Variants in ZNF215 observed in about 807,000 individuals in gnomAD.
The protein encoded by ZNF215 is zinc finger protein 215.
Under a neutral mutation model 27.2 loss-of-function variants are expected in ZNF215, and 24 were observed. The observed-to-expected ratio is 0.88, with a 90% confidence interval of 0.64 to 1.24. The LOEUF (loss-of-function observed/expected upper bound fraction) is 1.24. ZNF215 is among the 50% of genes most tolerant of loss of function. The probability of loss-of-function intolerance (pLI) is 0.00; values close to 1 mark genes in which losing one functional copy is unlikely to be tolerated. For missense variants in ZNF215, 675 were observed against 605.7 expected (o/e 1.11, Z -1.20); for synonymous variants, 210 against 204.0 (o/e 1.03, Z -0.25).
intron 3 of ZNF215, among the ~76,000 whole-genome samples, chr11:6,940,915 T>C (rs1849612327): frequency 6.6e-6 from 1 of 152,230 alleles, no homozygotes; most frequent in Non-Finnish European, 1.5e-5. Flanking sequence ...TTCTACTCTT[T>C]ATTTCACCGT....
At chr11:6,977,177 G>C (rs1000806319) in intron 5 of ZNF215, among the ~76,000 whole-genome samples, 1 of 151,992 alleles carries the variant, frequency 6.6e-6, no homozygotes, top group African/African-American at 2.4e-5. Context: ...TTCACTTTCT[G>C]TGTGGCCAAC....
rs542960263 is a variant in ZNF215, at chr11:6,953,504, C to T, written c.713-2186C>T. ...TTCATTTCATCTTCCATCACTGATA[C>T]CCTTTCTTCCAGTTGATCGCATCAG... On this transcript the variant is annotated intron_variant, in intron 6 of 6. Coordinates refer to ENST00000278319, the MANE Select transcript of ZNF215 (RefSeq NM_013250.4). Among the ~76,000 whole-genome samples the T allele has an allele frequency of 3.3e-4, 50 of 152,292 alleles. No homozygotes were observed. In the East Asian group the frequency reaches 8.1e-3, roughly 25 times the overall value.
downstream of ZNF215, among the ~76,000 whole-genome samples, chr11:6,962,692 G>A (rs1850540861): frequency 6.6e-6 from 1 of 152,070 alleles, no homozygotes; most frequent in African/African-American, 2.4e-5. Context: ...ATCAACATCT[G>A]TTGGGATTTG....
intron 3 of ZNF215, among the ~76,000 whole-genome samples, chr11:6,939,810 C>A (rs184125437): frequency 6.6e-6 from 1 of 152,210 alleles, no homozygotes; most frequent in East Asian, 1.9e-4. Context: ...AGATTTGCAC[C>A]TTTCCAAGAT....
intron 6 of ZNF215, among the ~76,000 whole-genome samples, chr11:6,948,184 C>A (rs964047789): frequency 2.0e-5 from 3 of 152,154 alleles, no homozygotes; most frequent in East Asian, 3.9e-4. Context: ...TGTCCTCTGG[C>A]TACAAAATAT....
chr11:6,943,280 G>T, intron 5 of ZNF215, 65 bp downstream of exon 5: 1 of 1,547,794 alleles, frequency 6.5e-7, no homozygotes, highest in South Asian at 1.3e-5. Context: ...AAAAGCTATA[G>T]GACTGCTGAA....
intron 5 of ZNF215, among the ~76,000 whole-genome samples, chr11:6,964,536 T>G (rs1352129655): frequency 6.6e-6 from 1 of 152,074 alleles, no homozygotes; most frequent in Non-Finnish European, 1.5e-5. Context: ...TTTGAACATG[T>G]GTCAAAAGTC....
At chr11:6,951,044 T>A (rs1213687419) in intron 6 of ZNF215, among the ~76,000 whole-genome samples, 1 of 152,146 alleles carries the variant, frequency 6.6e-6, no homozygotes, top group Non-Finnish European at 1.5e-5. Context: ...TTTATTGATT[T>A]GCGTATATTG....
At chr11:6,933,794 CAAA>C (rs55667332) in intron 3 of ZNF215, among the ~76,000 whole-genome samples, 7 of 87,886 alleles carry the variant, frequency 8.0e-5, no homozygotes, top group Admixed American at 2.5e-4. Flanking sequence ...GACTCCATCT[CAAA>C]AAAAAAAAAA....
At chr11:6,943,427 G>T (rs1849698003) in intron 5 of ZNF215, 119 bp from the exon 6 acceptor site, 2 of 1,144,380 alleles carry the variant, frequency 1.7e-6, no homozygotes, top group Non-Finnish European at 1.3e-6. Flanking sequence ...GTGCTCTTCT[G>T]GCCTTACCCT....
chr11:6,970,774 A>G (rs1008749186), intron 5 of ZNF215, among the ~76,000 whole-genome samples: 1 of 152,176 alleles, frequency 6.6e-6, no homozygotes, highest in Non-Finnish European at 1.5e-5. Flanking sequence ...GATACCTACT[A>G]CAACATATGC....
chr11:6,957,661 G>A lies in ZNF215; in HGVS notation c.*1130G>A, dbSNP rs1360849595. 3 of 761,506 alleles carry A rather than the reference G, an allele frequency of 3.9e-6. No homozygotes were observed. Among genetic ancestry groups the A allele is most frequent in the Non-Finnish European group, 4.8e-6 (3 of 626,206 alleles). The allele number at this position is 761,506 out of a possible 1,614,324, so 47.2% of individuals were successfully genotyped here. On this transcript the variant is annotated 3_prime_UTR_variant, in exon 7 of 7. Coordinates refer to ENST00000278319, the MANE Select transcript of ZNF215 (RefSeq NM_013250.4). ...TCTTGTTTGTATCCATTAGTCTATG[G>A]TAAAATTGGTTTTGTTATACATCAT...
At chr11:6,954,941 A>G (rs567300524) in intron 6 of ZNF215, among the ~76,000 whole-genome samples, 3 of 152,362 alleles carry the variant, frequency 2.0e-5, no homozygotes, top group Non-Finnish European at 4.4e-5. Context: ...AGTATATAGA[A>G]GCTAAATGAG....
chr11:6,987,823 C>T (rs1328117781), downstream of ZNF215, among the ~76,000 whole-genome samples: 4 of 152,154 alleles, frequency 2.6e-5, no homozygotes, highest in Non-Finnish European at 5.9e-5. Flanking sequence ...AATTGCACCC[C>T]ACTAACCCCA....
downstream of ZNF215, chr11:6,988,111 AATTTG>A (rs1851079606): frequency 1.2e-6 from 1 of 839,582 alleles, no homozygotes; most frequent in Admixed American, 6.2e-5. Flanking sequence ...GTTAAGTAAA[AATTTG>A]GAGCAACAGC....
downstream of ZNF215, among the ~76,000 whole-genome samples, chr11:6,962,150 T>C (rs945781325): frequency 6.7e-6 from 1 of 149,508 alleles, no homozygotes; most frequent in Admixed American, 6.6e-5. Flanking sequence ...GTAATAAGGG[T>C]TTTTTTTTGT....
In ZNF215 at chr11:6,956,433, G is replaced by A. The variant is rs1590073130; in HGVS notation, c.1456G>A (p.Gly486Arg). 1 of 1,614,078 alleles carries A rather than the reference G, an allele frequency of 6.2e-7. No individual in the cohort carries two copies. The highest frequency in any genetic ancestry group is 1.3e-5 in the African/African-American group (1 of 75,014). The change falls in exon 7 of 7, where the codon GGA (glycine) becomes AGA (arginine). Residue 486 changes from glycine (G) to arginine (R), a missense_variant. Physicochemically the swap from Gly to Arg is moderately radical, Grantham distance 125 (BLOSUM62 -2). Coordinates refer to ENST00000278319, the MANE Select transcript of ZNF215 (RefSeq NM_013250.4). ...SLIRHQMIHT[G>R]EKPFKCKECS... is the part of the protein sequence containing the mutation. ...TATTCGACACCAAATGATTCACACG[G>A]GAGAGAAACCATTCAAATGTAAGGA...
downstream of ZNF215, among the ~76,000 whole-genome samples, chr11:6,992,207 C>T (rs555740038): frequency 6.6e-6 from 1 of 152,174 alleles, no homozygotes; most frequent in Non-Finnish European, 1.5e-5. Context: ...AATGCAATCA[C>T]AGGAATGCAC....
intron 6 of ZNF215, among the ~76,000 whole-genome samples, chr11:6,952,266 T>C (rs528069525): frequency 6.6e-6 from 1 of 152,344 alleles, no homozygotes; most frequent in East Asian, 1.9e-4. Flanking sequence ...GGTGCAGAGC[T>C]GAGTTCAATT....
Sources: gnomAD v4.1 joint callset for allele counts (sites outside exome capture counted in the v4.1 genomes callset) on GRCh38, gnomAD v4.1.1 for gene constraint, MANE v1.5 for transcripts, NCBI Gene and HGNC (gene_info 2026-07-23, HGNC 2026-07-21) for gene names.